TSC1: variants seen among roughly 807,000 people sequenced by gnomAD.
TSC1 encodes the protein hamartin.
A neutral mutation model predicts 124.3 loss-of-function variants in TSC1; 20 were observed. The ratio of observed to expected loss-of-function variants is 0.16; its 90% CI spans 0.11 to 0.23. TSC1 has a LOEUF of 0.23. Ranked by LOEUF, TSC1 falls within the 10% of genes least tolerant of loss-of-function variation. The probability of loss-of-function intolerance (pLI) is 1.00; values close to 1 mark genes in which losing one functional copy is unlikely to be tolerated. For missense variants in TSC1, 1,124 were observed against 1,448.5 expected (o/e 0.78, Z 3.64); for synonymous variants, 493 against 539.1 (o/e 0.91, Z 1.19).
chr9:132,937,613 G>A (rs990838498), intron 1 of TSC1, among the ~76,000 whole-genome samples: 5 of 152,148 alleles, frequency 3.3e-5, no homozygotes, highest in South Asian at 4.1e-4. Flanking sequence ...TAGGATCTAC[G>A]CTAGATGAGA....
intron 3 of TSC1, 90 bp downstream of exon 3, chr9:132,928,677 A>G (rs1847024875): frequency 6.4e-7 from 1 of 1,552,380 alleles, no homozygotes; most frequent in African/African-American, 1.4e-5. Flanking sequence ...CAGAAGATGA[A>G]AACTAAAATG....
rs1053365825 is a variant in TSC1 at position 132,902,904 on chromosome 9, C to T, written c.2209-117G>A. 18 of 1,313,514 alleles carry T rather than the reference C, an allele frequency of 1.4e-5. No homozygotes were observed. Among genetic ancestry groups the T allele is most frequent in the Non-Finnish European group, 1.7e-5 (16 of 923,648 alleles). The allele number at this position is 1,313,514 out of a possible 1,614,324, so 81.4% of individuals were successfully genotyped here. On this transcript the variant is annotated intron_variant, in intron 17 of 22. Coordinates refer to ENST00000298552, the MANE Select transcript of TSC1 (RefSeq NM_000368.5). The surrounding 1 kb of genome is among the most constrained non-coding windows in gnomAD (Gnocchi z 5.2). ...GCTACCCTGAAAATGTAACTAACTA[C>T]AGACCAAAACTCTTAGAGCTCACTA...
intron 20 of TSC1, chr9:132,899,848 C>G (rs1224025408): frequency 6.6e-6 from 1 of 152,198 alleles, no homozygotes; most frequent in African/African-American, 2.4e-5. Flanking sequence ...TTCAGGAGCT[C>G]TCTTGTGCCT....
At chr9:132,944,299 G>C (rs910094537) in intron 1 of TSC1, among the ~76,000 whole-genome samples, 2 of 152,124 alleles carry the variant, frequency 1.3e-5, no homozygotes, top group Non-Finnish European at 2.9e-5. Context: ...GCCAAGGAGG[G>C]GCGAAGTGCT....
intron 12 of TSC1, among the ~76,000 whole-genome samples, 199 bp from the exon 13 acceptor site, chr9:132,907,569 A>C (rs1845738692): frequency 6.6e-6 from 1 of 151,974 alleles, no homozygotes; most frequent in Non-Finnish European, 1.5e-5. Context: ...GGCTCACTGC[A>C]ACCTCCGCCT....
Position 132,896,886 on chromosome 9 carries a change from G to A in TSC1, c.2976-132C>T. 1 of 1,415,770 alleles carries A rather than the reference G, an allele frequency of 7.1e-7. No homozygotes were observed. Among genetic ancestry groups the A allele is most frequent in the Non-Finnish European group, 9.9e-7 (1 of 1,009,870 alleles). 87.7% of individuals were successfully genotyped at this position (1,415,770 alleles called of 1,614,324 possible). On this transcript the variant is annotated intron_variant, in intron 22 of 22. Transcript: ENST00000298552. This position sits in a 1 kb window ranked among gnomAD's most constrained non-coding sequence, Gnocchi z 4.5. ...AGCCCACTCTCTGTTTTATAATACT[G>A]GACTCAAGAGATCTCATCAAGAGAA...
Position 132,906,730 on chromosome 9 carries a change from CCTT to C in TSC1, c.1436_1438del (p.Glu479del), listed in dbSNP as rs1233867963. Reference sequence around the variant, plus strand: ...ACTCATAGCAATCCCACATACATTACCTTCTTCTTTATCTTTTTCAATACTATC... The same window carrying C: ...ACTCATAGCAATCCCACATACATTACCTTCTTTATCTTTTTCAATACTATC... On this transcript the variant is annotated inframe_deletion and splice_region_variant, in exon 14 of 23. Coordinates refer to ENST00000298552, the MANE Select transcript of TSC1 (RefSeq NM_000368.5). This position sits in a 1 kb window ranked among gnomAD's most constrained non-coding sequence, Gnocchi z 4.1. 1 of 1,612,466 alleles carries C rather than the reference CCTT, an allele frequency of 6.2e-7. No individual in the cohort carries two copies. Among genetic ancestry groups the C allele is most frequent in the African/African-American group, 1.3e-5 (1 of 74,874 alleles).
At position 132,892,626 on chromosome 9, in the gene TSC1, C is replaced by T. The variant is rs1378752109; in HGVS notation, c.*3609G>A. On this transcript the variant is annotated 3_prime_UTR_variant, in exon 23 of 23. Transcript: ENST00000298552. The stretch of plus-strand genomic sequence containing the variant: ...CTCCTCCAGCCTGTGCAGGCCTCCT[C>T]CCACCTCTTAGTGCTTTCAGCGAGA... 2 of 233,274 alleles carry T rather than the reference C, an allele frequency of 8.6e-6. No homozygotes were observed. The highest frequency in any genetic ancestry group is 1.7e-5 in the Non-Finnish European group (2 of 118,120). The allele number at this position is 233,274 out of a possible 1,614,324, so 14.5% of individuals were successfully genotyped here. A position where few individuals can be genotyped will look rare whatever the true frequency, so the allele number is the denominator to read the frequency against.
Position 132,921,562 on chromosome 9 carries a change from G to A in TSC1, c.664-126C>T, listed in dbSNP as rs576009466. On this transcript the variant is annotated intron_variant, in intron 7 of 22. Coordinates refer to ENST00000298552, the MANE Select transcript of TSC1 (RefSeq NM_000368.5). The surrounding 1 kb of genome is among the most constrained non-coding windows in gnomAD (Gnocchi z 4.3). Reference sequence around the variant, plus strand: ...CATGTTATAACACAGATGGAACCTTGAGAACATTATACTGAGTGAAAGAAG... The same window carrying A: ...CATGTTATAACACAGATGGAACCTTAAGAACATTATACTGAGTGAAAGAAG... 322 of 1,170,960 alleles carry A rather than the reference G, an allele frequency of 2.7e-4. 2 individuals carry two copies. In the African/African-American group the frequency reaches 4.5e-3, roughly 16 times the overall value. The allele number at this position is 1,170,960 out of a possible 1,614,324, so 72.5% of individuals were successfully genotyped here.
rs143549363 is a variant in TSC1 at position 132,893,341 on chromosome 9, GT to G, written c.*2893del. Reference sequence around the variant, plus strand: ...CCTTGACCTTCCTACCTTTGGGTTTGTTTTTTTTCTATTCATGACCACGTGT... The same window carrying G: ...CCTTGACCTTCCTACCTTTGGGTTTGTTTTTTTCTATTCATGACCACGTGT... On this transcript the variant is annotated 3_prime_UTR_variant, in exon 23 of 23. Coordinates refer to ENST00000298552, the MANE Select transcript of TSC1 (RefSeq NM_000368.5). 4,140 of 232,872 alleles carry G rather than the reference GT, an allele frequency of 0.018. 46 individuals carry two copies. The highest frequency in any genetic ancestry group is 0.026 in the Non-Finnish European group (3,113 of 117,950). The allele number at this position is 232,872 out of a possible 1,614,324, so 14.4% of individuals were successfully genotyped here. A position where few individuals can be genotyped will look rare whatever the true frequency, so the allele number is the denominator to read the frequency against.
Position 132,896,014 on chromosome 9 carries a change from T to C in TSC1, c.*221A>G. ...GGATTAGAACACACTGCGAGGTAAA[T>C]GAGAGGGGGTTAGGGCGGGTGGAGG... On this transcript the variant is annotated 3_prime_UTR_variant, in exon 23 of 23. Transcript: ENST00000298552. The surrounding 1 kb of genome is among the most constrained non-coding windows in gnomAD (Gnocchi z 4.5). The C allele has an allele frequency of 3.2e-6, 2 of 620,824 alleles. No individual in the cohort carries two copies. Among genetic ancestry groups the C allele is most frequent in the Non-Finnish European group, 5.7e-6 (2 of 350,480 alleles). The allele number at this position is 620,824 out of a possible 1,614,324, so 38.5% of individuals were successfully genotyped here.
In TSC1 at chr9:132,896,833, C is replaced by G. The variant is rs1845097946; in HGVS notation, c.2976-79G>C. On this transcript the variant is annotated intron_variant, in intron 22 of 22. Transcript: ENST00000298552. The surrounding 1 kb of genome is among the most constrained non-coding windows in gnomAD (Gnocchi z 4.5). ...CGGAGGATGTGGAATTACACTGACA[C>G]TCACTCACACTGACACTGAACTCCG... The G allele has an allele frequency of 1.2e-6, 2 of 1,601,798 alleles. No individual in the cohort carries two copies. Among genetic ancestry groups the G allele is most frequent in the Non-Finnish European group, 1.7e-6 (2 of 1,170,426 alleles).
At chr9:132,934,861 T>G (rs527451523) in intron 2 of TSC1, among the ~76,000 whole-genome samples, 172 bp downstream of exon 2, 1 of 152,394 alleles carries the variant, frequency 6.6e-6, no homozygotes, top group Admixed American at 6.5e-5. Context: ...TGTCAGGCAC[T>G]GAATACAAGC....
chr9:132,905,647 G>C lies in TSC1; in HGVS notation c.1931C>G (p.Ser644Cys), dbSNP rs2131812089. 1 of 1,614,222 alleles carries C rather than the reference G, an allele frequency of 6.2e-7. No homozygotes were observed. Among genetic ancestry groups the C allele is most frequent in the South Asian group, 1.1e-5 (1 of 91,086 alleles). ...NTEEDGVPSTSPMEVLDRLIQ... is the reference protein window; with the variant it reads ...NTEEDGVPSTCPMEVLDRLIQ... ...CAGTCTGTCCAGCACTTCCATTGGG[G>C]AGGTAGAGGGCACACCATCTTCCTC... Residue 644 changes from serine (S) to cysteine (C), a missense_variant, in exon 15 of 23, where the codon TCC (serine) becomes TGC (cysteine). Around this residue, in one of 5 missense-constraint regions of TSC1, gnomAD observed 321 missense variants for 397.4 expected, o/e 0.81. Transcript: ENST00000298552.
In TSC1 at chr9:132,923,389, T is replaced by G. The variant is rs893232039; in HGVS notation, c.467A>C (p.Asp156Ala). The change falls in exon 6 of 23, where the codon GAC becomes GCC. Residue 156 changes from aspartate to alanine, a missense_variant. Coordinates refer to ENST00000298552, the MANE Select transcript of TSC1 (RefSeq NM_000368.5). The surrounding 1 kb of genome is among the most constrained non-coding windows in gnomAD (Gnocchi z 4.2). The part of the protein sequence containing the change: ...SGKQHLLDFF[D>A]IFGRLSSWCL... ...CCATGATGACAGACGGCCAAAAATG[T>G]CAAAGAAATCAAGAAGATGCTGTTT... The G allele has an allele frequency of 1.7e-5, 27 of 1,613,960 alleles. No homozygotes were observed. The highest frequency in any genetic ancestry group is 9.3e-6 in the Non-Finnish European group (11 of 1,179,998).
intron 2 of TSC1, among the ~76,000 whole-genome samples, chr9:132,929,269 T>C (rs1847071500): frequency 6.6e-6 from 1 of 152,268 alleles, no homozygotes; most frequent in Admixed American, 6.5e-5. Flanking sequence ...ACCTTGGGTT[T>C]TGGCTAAGAC....
chr9:132,938,698 C>T (rs1470598936), intron 1 of TSC1, among the ~76,000 whole-genome samples: 1 of 152,180 alleles, frequency 6.6e-6, no homozygotes, highest in Admixed American at 6.5e-5. Context: ...TCACATATCT[C>T]TGCCCTAGCC....
intron 20 of TSC1, among the ~76,000 whole-genome samples, chr9:132,898,561 G>A (rs779074217): frequency 3.9e-4 from 59 of 152,316 alleles, no homozygotes; most frequent in Middle Eastern, 3.4e-3. Context: ...ACTGGCTCTC[G>A]GATAATGCGG....
rs2131806316 is a variant in TSC1 at position 132,905,571 on chromosome 9, A to T, written c.1997+10T>A. Reference sequence around the variant, plus strand: ...CATTTAACACAGAAGAGAGTGCCCCAGTCCCTTACTTGTTCAGCTCCTTGC... The same window carrying T: ...CATTTAACACAGAAGAGAGTGCCCCTGTCCCTTACTTGTTCAGCTCCTTGC... On this transcript the variant is annotated intron_variant, in intron 15 of 22. Transcript: ENST00000298552. The T allele has an allele frequency of 6.2e-7, 1 of 1,613,786 alleles. No homozygotes were observed. Among genetic ancestry groups the T allele is most frequent in the Non-Finnish European group, 8.5e-7 (1 of 1,180,036 alleles).
Sources: gnomAD v4.1 joint callset for allele counts (sites outside exome capture counted in the v4.1 genomes callset) on GRCh38, gnomAD v4.1.1 for gene constraint, gnomAD v4.1.1 regional missense constraint, Gnocchi (gnomAD v3.1) non-coding constraint, MANE v1.5 for transcripts, NCBI Gene and HGNC (gene_info 2026-07-23, HGNC 2026-07-21) for gene names.